PRDM2: variants seen among roughly 807,000 people sequenced by gnomAD.
PRDM2 encodes PR/SET domain 2.
In PRDM2, 30 loss-of-function variants were observed where a neutral mutation model predicts 130.0. The observed-to-expected ratio is 0.23, with a 90% confidence interval of 0.17 to 0.31. PRDM2 has a LOEUF of 0.31. PRDM2 is among the 10% of genes least tolerant of loss of function. PRDM2 has a pLI of 1.00. For missense variants in PRDM2, 2,011 were observed against 2,108.4 expected, an observed-to-expected ratio of 0.95 and a Z score of 0.90; for synonymous variants, 871 against 782.4, an observed-to-expected ratio of 1.11 and a Z score of -1.89.
At chr1:13,741,965 C>T (rs1247228560) in intron 4 of PRDM2, 40 bp from the exon 5 acceptor site, 1 of 1,488,042 alleles carries the variant, frequency 6.7e-7, no homozygotes, top group East Asian at 2.3e-5. Context: ...AAAGATACTC[C>T]TATTTTAACA....
At chr1:13,797,307 A>T (rs1241923371) in intron 8 of PRDM2, among the ~76,000 whole-genome samples, 1 of 152,202 alleles carries the variant, frequency 6.6e-6, no homozygotes, top group Non-Finnish European at 1.5e-5. Flanking sequence ...TTCTTATGTT[A>T]GGCTCCTGTG....
chr1:13,757,822 C>A (rs1464706677), intron 6 of PRDM2, among the ~76,000 whole-genome samples: 2 of 135,000 alleles, frequency 1.5e-5, no homozygotes, highest in African/African-American at 5.7e-5. Flanking sequence ...AAGAGGAATG[C>A]ACATGAACTA....
intron 1 of PRDM2, among the ~76,000 whole-genome samples, chr1:13,713,406 C>G (rs192290242): frequency 4.1e-4 from 63 of 152,224 alleles, no homozygotes; most frequent in African/African-American, 1.3e-3. Flanking sequence ...ATCTTAAGCT[C>G]TTGTTAATTG....
intron 6 of PRDM2, chr1:13,772,199 G>C (rs1477261179): frequency 6.6e-6 from 1 of 152,130 alleles, no homozygotes; most frequent in Non-Finnish European, 1.5e-5. Context: ...CCAGCTTCCA[G>C]AAAAATAGAA....
At chr1:13,768,109 G>A (rs1047631719) in intron 6 of PRDM2, among the ~76,000 whole-genome samples, 13 of 124,834 alleles carry the variant, frequency 1.0e-4, no homozygotes, top group East Asian at 7.1e-4. Flanking sequence ...ACGGAGTCTC[G>A]CTCTGTTGCC....
chr1:13,749,370 C>T lies in PRDM2; in HGVS notation c.394C>T (p.Pro132Ser). 2 of 1,491,430 alleles carry T rather than the reference C, an allele frequency of 1.3e-6. No individual in the cohort carries two copies. Among genetic ancestry groups the T allele is most frequent in the Non-Finnish European group, 1.8e-6 (2 of 1,106,386 alleles). The allele number at this position is 1,491,430 out of a possible 1,614,324, so 92.4% of individuals were successfully genotyped here. A position where few individuals can be genotyped will look rare whatever the true frequency, so the allele number is the denominator to read the frequency against. ...TCTTCTCTCCCCGCAGCCAATCGCG[C>T]CGGGCGAGGAGCTCCTGGTCTGGTA... ...IYYKTLKPIA[P>S]GEELLVWYNG... Residue 132 changes from proline to serine, a missense_variant, in exon 6 of 10, where the codon CCG becomes TCG. Physicochemically the swap from Pro to Ser is moderately conservative, Grantham distance 74 (BLOSUM62 -1). Transcript: ENST00000311066.
intron 6 of PRDM2, among the ~76,000 whole-genome samples, chr1:13,759,749 A>G (rs548671688): frequency 1.1e-3 from 162 of 152,322 alleles, no homozygotes; most frequent in African/African-American, 3.4e-3. Flanking sequence ...ATGTGGAACA[A>G]TCTCCTTGAC....
intron 6 of PRDM2, among the ~76,000 whole-genome samples, chr1:13,760,984 G>A (rs1235249897): frequency 1.3e-5 from 2 of 152,198 alleles, no homozygotes; most frequent in Non-Finnish European, 2.9e-5. Flanking sequence ...GGGCCTGTTT[G>A]GATCTGCACC....
At chr1:13,713,045 A>G (rs569425350) in intron 1 of PRDM2, among the ~76,000 whole-genome samples, 19 of 151,842 alleles carry the variant, frequency 1.3e-4, no homozygotes, top group Non-Finnish European at 2.2e-4. Context: ...TTCTCCCCAT[A>G]CTTTCCTGGT....
intron 9 of PRDM2, among the ~76,000 whole-genome samples, chr1:13,817,885 A>G (rs1225225732): frequency 6.6e-6 from 1 of 152,114 alleles, no homozygotes; most frequent in Non-Finnish European, 1.5e-5. Context: ...CTGTAGTCGC[A>G]ACTACTCAGG....
chr1:13,784,930 T>A (rs1000686478), intron 8 of PRDM2, among the ~76,000 whole-genome samples: 2 of 152,250 alleles, frequency 1.3e-5, no homozygotes, highest in Non-Finnish European at 2.9e-5. Flanking sequence ...TGATGTGTTC[T>A]TGGGAATTAG....
intron 1 of PRDM2, among the ~76,000 whole-genome samples, chr1:13,704,693 A>G (rs1348955371): frequency 2.6e-5 from 4 of 152,200 alleles, no homozygotes; most frequent in African/African-American, 9.7e-5. Context: ...TTCTATTAAG[A>G]CCTATGTTAA....
chr1:13,712,962 C>T (rs946798522), intron 1 of PRDM2, among the ~76,000 whole-genome samples: 3 of 152,160 alleles, frequency 2.0e-5, no homozygotes, highest in Non-Finnish European at 4.4e-5. Context: ...ATCCTGGCTC[C>T]CTCTCTGCTT....
chr1:13,810,596 A>G (rs905156116), intron 8 of PRDM2, among the ~76,000 whole-genome samples: 5 of 151,286 alleles, frequency 3.3e-5, no homozygotes, highest in African/African-American at 1.2e-4. Context: ...TGGGGTTCAC[A>G]CCATTCTCCT....
At chr1:13,782,948 G>C in intron 8 of PRDM2, 117 bp downstream of exon 8, 2 of 1,561,712 alleles carry the variant, frequency 1.3e-6, no homozygotes, top group Non-Finnish European at 1.7e-6. Flanking sequence ...AAAGGAAATA[G>C]CTGTTGTATA....
intron 2 of PRDM2, among the ~76,000 whole-genome samples, chr1:13,723,918 C>T (rs576582759): frequency 6.6e-6 from 1 of 152,352 alleles, no homozygotes; most frequent in South Asian, 2.1e-4. Flanking sequence ...TGCCTGTCTA[C>T]AGCCCTAAAC....
At chr1:13,722,999 C>CA (rs1642783982) in intron 2 of PRDM2, 1 of 373,118 alleles carries the variant, frequency 2.7e-6, no homozygotes, top group Non-Finnish European at 5.4e-6. Context: ...GAATTGAGTC[C>CA]AGCTCTTTGC....
At chr1:13,710,752 C>T (rs1267314761) in intron 1 of PRDM2, among the ~76,000 whole-genome samples, 4 of 152,154 alleles carry the variant, frequency 2.6e-5, no homozygotes, top group African/African-American at 4.8e-5. Flanking sequence ...TCAGTATCTG[C>T]TGTTAGCAAA....
In PRDM2 at chr1:13,779,040, G is replaced by A. The variant is rs773059356; in HGVS notation, c.1245G>A (p.Gly415=). Residue 415 remains glycine (G), a synonymous_variant, in exon 8 of 10, where the codon GGG becomes GGA. Transcript: ENST00000311066. The surrounding 1 kb of genome is among the most constrained non-coding windows in gnomAD (Gnocchi z 4.9). ...RRRHERRHEA[G]LKRKPSQTLQ... is the part of the protein sequence containing the mutation. Reference sequence around the variant, plus strand: ...GACATGAGCGGCGCCATGAAGCAGGGTTAAAGCGGAAACCCAGCCAAACAC... The same window carrying A: ...GACATGAGCGGCGCCATGAAGCAGGATTAAAGCGGAAACCCAGCCAAACAC... 6.2e-7 allele frequency: 1 copy of A among 1,614,178 alleles called. No homozygotes were observed. Among genetic ancestry groups the A allele is most frequent in the Non-Finnish European group, 8.5e-7 (1 of 1,180,016 alleles).
Sources: gnomAD v4.1 joint callset for allele counts (sites outside exome capture counted in the v4.1 genomes callset) on GRCh38, gnomAD v4.1.1 for gene constraint, Gnocchi (gnomAD v3.1) non-coding constraint, MANE v1.5 for transcripts, NCBI Gene and HGNC (gene_info 2026-07-23, HGNC 2026-07-21) for gene names.